DCDC2: variants seen among roughly 807,000 people sequenced by gnomAD.
DCDC2 encodes the protein doublecortin domain containing 2.
Under a neutral mutation model 50.2 loss-of-function variants are expected in DCDC2, and 40 were observed. That is an observed-to-expected ratio of 0.80 (90% CI 0.62 to 1.04). DCDC2 has a LOEUF of 1.04. DCDC2 is among the 50% of genes least tolerant of loss of function. The probability of loss-of-function intolerance (pLI) is 0.00; values close to 1 mark genes in which losing one functional copy is unlikely to be tolerated. For missense variants in DCDC2, 570 were observed against 581.9 expected (o/e 0.98, Z 0.21); for synonymous variants, 234 against 210.6 (o/e 1.11, Z -0.96).
intron 4 of DCDC2, among the ~76,000 whole-genome samples, chr6:24,301,366 A>G (rs367718914): frequency 0.046 from 3,070 of 66,912 alleles, 66 homozygotes; most frequent in African/African-American, 0.1. Flanking sequence ...GCAAGGCTCC[A>G]TCTCAAAAAA....
intron 7 of DCDC2, among the ~76,000 whole-genome samples, chr6:24,241,146 T>C (rs970721977): frequency 6.6e-6 from 1 of 152,198 alleles, no homozygotes; most frequent in African/African-American, 2.4e-5. Context: ...TAGAGCTTCA[T>C]TACAGCTATG....
chr6:24,336,003 G>T (rs2127243737), intron 2 of DCDC2, among the ~76,000 whole-genome samples: 1 of 152,238 alleles, frequency 6.6e-6, no homozygotes, highest in East Asian at 1.9e-4. Context: ...AGTACTGATG[G>T]ACCAACAAAG....
chr6:24,275,213 A>G (rs536581416), intron 7 of DCDC2, among the ~76,000 whole-genome samples: 1 of 152,218 alleles, frequency 6.6e-6, no homozygotes, highest in Non-Finnish European at 1.5e-5. Flanking sequence ...CTTCAATAAT[A>G]AATGAATATG....
At chr6:24,263,000 C>T (rs995035307) in intron 7 of DCDC2, among the ~76,000 whole-genome samples, 11 of 152,188 alleles carry the variant, frequency 7.2e-5, no homozygotes, top group African/African-American at 2.7e-4. Context: ...TCACCCCTGC[C>T]CCAGGATCCA....
At chr6:24,376,737 C>CAAAAAAAAAAAA in the DCDC2 span, among the ~76,000 whole-genome samples, 2 of 46,748 alleles carry the variant, frequency 4.3e-5, no homozygotes, top group Admixed American at 2.9e-4. Context: ...CAGGTATATG[C>CAAAAAAAAAAAA]AAAAAAAAAA....
At chr6:24,219,301 G>A (rs1770463) in intron 7 of DCDC2, among the ~76,000 whole-genome samples, 124,132 of 152,078 alleles carry the variant, frequency 0.82, 51,461 homozygotes, top group Non-Finnish European at 0.89. Flanking sequence ...GATATTTATT[G>A]TATAATGAAC....
rs373985357 is a variant in DCDC2, at chr6:24,258,688, G to A, written c.922+19361C>T. 1.8e-4 allele frequency among the ~76,000 whole-genome samples: 27 copies of A among 152,216 alleles called. No individual in the cohort carries two copies. In the East Asian group the frequency reaches 1.9e-3, roughly 11 times the overall value. ...ACTCACTGGGTCTAAATTTAAAATAGAGCCAAGTAGCCCTTTGCTGACTAG... is the reference window on the plus strand; with the variant it reads ...ACTCACTGGGTCTAAATTTAAAATAAAGCCAAGTAGCCCTTTGCTGACTAG... On this transcript the variant is annotated intron_variant, in intron 7 of 9. Transcript: ENST00000378454.
intron 8 of DCDC2, among the ~76,000 whole-genome samples, chr6:24,179,827 A>G (rs1761022234): frequency 1.3e-5 from 2 of 150,944 alleles, no homozygotes; most frequent in Admixed American, 6.6e-5. Context: ...GGTGGTGGGC[A>G]CCTGTGGTCC....
At chr6:24,379,426 A>C in the DCDC2 span, among the ~76,000 whole-genome samples, 1 of 152,282 alleles carries the variant, frequency 6.6e-6, no homozygotes. Flanking sequence ...TACAGCCAAC[A>C]GACATATGAA....
At chr6:24,213,766 A>G (rs1761924593) in intron 7 of DCDC2, among the ~76,000 whole-genome samples, 1 of 152,164 alleles carries the variant, frequency 6.6e-6, no homozygotes, top group Non-Finnish European at 1.5e-5. Flanking sequence ...GGGCAGGTTC[A>G]CATGTAATAA....
At chr6:24,288,800 T>C in intron 6 of DCDC2, 52 bp downstream of exon 6, 1 of 1,522,602 alleles carries the variant, frequency 6.6e-7, no homozygotes, top group Non-Finnish European at 9.1e-7. Context: ...GACAGTCTCT[T>C]TGTATCATAT....
chr6:24,172,301 T>C lies in DCDC2; in HGVS notation c.*2429A>G, dbSNP rs1263788859. 6.6e-6 allele frequency: 1 copy of C among 152,244 alleles called. No individual in the cohort carries two copies. The allele number at this position is 152,244 out of a possible 1,614,324, so 9.4% of individuals were successfully genotyped here. On this transcript the variant is annotated 3_prime_UTR_variant, in exon 10 of 10. Coordinates refer to ENST00000378454, the MANE Select transcript of DCDC2 (RefSeq NM_016356.5). The stretch of plus-strand genomic sequence containing the variant: ...CCCCTCAAAGTAGGTCACAATTGTA[T>C]CTTGTCAACAAGTGGTAAAATATGC...
intron 8 of DCDC2, among the ~76,000 whole-genome samples, chr6:24,191,275 AGCT>A (rs1397853137): frequency 6.6e-6 from 1 of 152,204 alleles, no homozygotes; most frequent in African/African-American, 2.4e-5. Flanking sequence ...AGCTGCAGGT[AGCT>A]GCTAATTCTC....
At chr6:24,179,010 G>A (rs1760988811) in intron 8 of DCDC2, among the ~76,000 whole-genome samples, 1 of 151,962 alleles carries the variant, frequency 6.6e-6, no homozygotes, top group Non-Finnish European at 1.5e-5. Flanking sequence ...CTTGGCCACT[G>A]TCTAGTGAAG....
chr6:24,249,944 C>T (rs1762763328), intron 7 of DCDC2, among the ~76,000 whole-genome samples: 1 of 152,204 alleles, frequency 6.6e-6, no homozygotes, highest in African/African-American at 2.4e-5. Context: ...ATATTGCTCA[C>T]TTTAAGAATG....
At chr6:24,273,630 T>G (rs1182986282) in intron 7 of DCDC2, among the ~76,000 whole-genome samples, 1 of 152,224 alleles carries the variant, frequency 6.6e-6, no homozygotes, top group Admixed American at 6.5e-5. Flanking sequence ...GAGCACATTT[T>G]CCTCATGTGC....
chr6:24,353,669 T>C, intron 1 of DCDC2, 46 bp from the exon 2 acceptor site: 1 of 1,161,896 alleles, frequency 8.6e-7, no homozygotes, highest in South Asian at 1.6e-5. Context: ...TTATAGACTT[T>C]AAGTCAGTAA....
chr6:24,270,572 A>T (rs757377872), intron 7 of DCDC2, among the ~76,000 whole-genome samples: 1 of 152,210 alleles, frequency 6.6e-6, no homozygotes, highest in Non-Finnish European at 1.5e-5. Flanking sequence ...CCTATGGTCC[A>T]GGATCTGCTG....
Position 24,236,862 on chromosome 6 carries a change from T to G in DCDC2, c.923-31760A>C, listed in dbSNP as rs554501610. On this transcript the variant is annotated intron_variant, in intron 7 of 9. Coordinates refer to ENST00000378454, the MANE Select transcript of DCDC2 (RefSeq NM_016356.5). ...CCATCTCTACTAAAAATATAAAAAT[T>G]AGCTGGGCATGGTGGCAGGCACCTG... 3.3e-5 allele frequency among the ~76,000 whole-genome samples: 5 copies of G among 152,066 alleles called. No individual in the cohort carries two copies. The South Asian group carries it at 1.0e-3, about 32-fold the overall frequency.
Sources: gnomAD v4.1 joint callset for allele counts (sites outside exome capture counted in the v4.1 genomes callset) on GRCh38, gnomAD v4.1.1 for gene constraint, MANE v1.5 for transcripts, NCBI Gene and HGNC (gene_info 2026-07-23, HGNC 2026-07-21) for gene names.